NKAIN2: variants seen among roughly 807,000 people sequenced by gnomAD.
NKAIN2 encodes sodium/potassium transporting ATPase interacting 2, also known as sodium/potassium-transporting ATPase subunit beta-1-interacting protein 2.
A neutral mutation model predicts 32.6 loss-of-function variants in NKAIN2; 14 were observed. The ratio of observed to expected loss-of-function variants is 0.43; its 90% CI spans 0.28 to 0.67. The LOEUF (loss-of-function observed/expected upper bound fraction) is 0.67. Among genes scored for constraint, NKAIN2 ranks in the 30% least tolerant of loss-of-function variants. The pLI is 0.17. For synonymous variants in NKAIN2, 80 were observed against 87.2 expected (o/e 0.92, Z 0.46); for missense variants, 198 against 258.3 (o/e 0.77, Z 1.60).
intron 4 of NKAIN2, among the ~76,000 whole-genome samples, chr6:124,675,698 C>T (rs1410942674): frequency 6.6e-6 from 1 of 151,850 alleles, no homozygotes; most frequent in Admixed American, 6.6e-5. Context: ...CATAATGTCT[C>T]CATTTTCGTT....
chr6:124,120,091 G>A (rs533343665), intron 1 of NKAIN2, among the ~76,000 whole-genome samples: 1 of 152,154 alleles, frequency 6.6e-6, no homozygotes, highest in South Asian at 2.1e-4. Flanking sequence ...TCTTCTGTGG[G>A]CCTCTCATTA....
At chr6:124,615,765 GA>G (rs1782864417) in intron 3 of NKAIN2, among the ~76,000 whole-genome samples, 1 of 152,026 alleles carries the variant, frequency 6.6e-6, no homozygotes, top group Non-Finnish European at 1.5e-5. Context: ...ACAGATTCCT[GA>G]AATAATGGTC....
intron 3 of NKAIN2, among the ~76,000 whole-genome samples, chr6:124,414,842 C>T (rs1774385775): frequency 1.3e-5 from 2 of 152,006 alleles, no homozygotes; most frequent in African/African-American, 4.8e-5. Context: ...TGAAGCTACC[C>T]TCTTATTTCT....
chr6:124,429,088 A>C (rs939110314), intron 3 of NKAIN2, among the ~76,000 whole-genome samples: 4 of 151,994 alleles, frequency 2.6e-5, no homozygotes, highest in African/African-American at 9.7e-5. Context: ...CCCAGGCTGG[A>C]GTGCAATGGT....
At chr6:124,741,062 AAGAC>A (rs1777183413) in intron 4 of NKAIN2, among the ~76,000 whole-genome samples, 1 of 151,750 alleles carries the variant, frequency 6.6e-6, no homozygotes, top group African/African-American at 2.4e-5. Flanking sequence ...GTGTATGAGA[AAGAC>A]AGAAATCAAG....
rs772797610 is a variant in NKAIN2 at position 124,791,321 on chromosome 6, A to G, written c.475-18A>G. The G allele has an allele frequency of 2.5e-6, 4 of 1,602,052 alleles. No homozygotes were observed. Among genetic ancestry groups the G allele is most frequent in the Admixed American group, 3.3e-5 (2 of 59,776 alleles). On this transcript the variant is annotated intron_variant, in intron 4 of 6. Coordinates refer to ENST00000368417, the MANE Select transcript of NKAIN2 (RefSeq NM_001040214.3). ...GGTGCCTTTTTCTGATGTCTAAAGC[A>G]TCTCTGTTTTGTTTCAGCTGGCAGG...
intron 1 of NKAIN2, among the ~76,000 whole-genome samples, chr6:123,928,180 T>C (rs192672699): frequency 1.0e-3 from 157 of 152,288 alleles, no homozygotes; most frequent in African/African-American, 3.6e-3. Flanking sequence ...TGTTCTCACT[T>C]ACCAGTGGGA....
At chr6:123,916,832 T>TCTATCTAG (rs1775525380) in intron 1 of NKAIN2, among the ~76,000 whole-genome samples, 1 of 151,158 alleles carries the variant, frequency 6.6e-6, no homozygotes, top group Non-Finnish European at 1.5e-5. Flanking sequence ...TATCTATTTA[T>TCTATCTAG]CTATCTATCC....
intron 1 of NKAIN2, among the ~76,000 whole-genome samples, chr6:124,135,993 A>G (rs1043755644): frequency 7.2e-5 from 11 of 152,138 alleles, no homozygotes; most frequent in African/African-American, 2.7e-4. Context: ...AGAGCAAACC[A>G]AAGCCAAACC....
At chr6:124,347,435 A>G (rs1798484441) in intron 2 of NKAIN2, among the ~76,000 whole-genome samples, 1 of 152,142 alleles carries the variant, frequency 6.6e-6, no homozygotes, top group Non-Finnish European at 1.5e-5. Context: ...AGTGTTTTCC[A>G]ACTTGGTTCC....
At chr6:124,457,855 G>A (rs564269944) in intron 3 of NKAIN2, among the ~76,000 whole-genome samples, 1 of 151,856 alleles carries the variant, frequency 6.6e-6, no homozygotes, top group African/African-American at 2.4e-5. Context: ...AGTGTGTTGG[G>A]AGCACCATTT....
At chr6:124,607,448 T>C (rs562276188) in intron 3 of NKAIN2, among the ~76,000 whole-genome samples, 30 of 152,222 alleles carry the variant, frequency 2.0e-4, no homozygotes, top group South Asian at 1.2e-3. Context: ...TTGGGCATGA[T>C]ACAATGAGTT....
chr6:124,650,248 A>G lies in NKAIN2; in HGVS notation c.274-7938A>G, dbSNP rs986604270. Among the ~76,000 whole-genome samples, 26 of 152,216 alleles carry G rather than the reference A, an allele frequency of 1.7e-4. 1 individual carries two copies. The highest frequency in any genetic ancestry group is 1.5e-5 in the Non-Finnish European group (1 of 68,042). On this transcript the variant is annotated intron_variant, in intron 3 of 6. Transcript: ENST00000368417. ...ATGATTGTCTGTGTAGAAAATCTGC[A>G]GGTATTGGCCCCCAAAATACTCCTG...
chr6:124,486,810 C>T (rs1295929893), intron 3 of NKAIN2, among the ~76,000 whole-genome samples: 3 of 152,032 alleles, frequency 2.0e-5, no homozygotes, highest in Non-Finnish European at 2.9e-5. Context: ...CTGTGCGCGG[C>T]CTTCAGGTTC....
At chr6:124,575,402 G>A (rs529643322) in intron 3 of NKAIN2, among the ~76,000 whole-genome samples, 11 of 152,224 alleles carry the variant, frequency 7.2e-5, no homozygotes, top group African/African-American at 1.9e-4. Flanking sequence ...TTGCTGCCTC[G>A]TTGCAACATT....
chr6:124,262,604 G>A (rs935620925), intron 1 of NKAIN2, among the ~76,000 whole-genome samples: 41 of 152,164 alleles, frequency 2.7e-4, no homozygotes, highest in Non-Finnish European at 3.4e-4. Context: ...AGTGGGATGA[G>A]AGCTTAAGCC....
At chr6:124,816,049 A>T (rs531241813) in intron 5 of NKAIN2, among the ~76,000 whole-genome samples, 6 of 152,342 alleles carry the variant, frequency 3.9e-5, no homozygotes, top group Admixed American at 3.9e-4. Flanking sequence ...TCATTATGCC[A>T]TTCCACTTTG....
intron 1 of NKAIN2, among the ~76,000 whole-genome samples, chr6:124,051,675 T>C (rs1273865166): frequency 6.6e-6 from 1 of 151,952 alleles, no homozygotes; most frequent in East Asian, 1.9e-4. Context: ...TAGGGAAGGA[T>C]GTAGAGTTTG....
intron 3 of NKAIN2, among the ~76,000 whole-genome samples, chr6:124,500,606 A>G (rs978226595): frequency 3.9e-5 from 6 of 152,066 alleles, no homozygotes; most frequent in Non-Finnish European, 4.4e-5. Flanking sequence ...GTGAGCTGAG[A>G]TCACGCCACT....
Sources: gnomAD v4.1 joint callset for allele counts (sites outside exome capture counted in the v4.1 genomes callset) on GRCh38, gnomAD v4.1.1 for gene constraint, MANE v1.5 for transcripts, NCBI Gene and HGNC (gene_info 2026-07-23, HGNC 2026-07-21) for gene names.